KCNIP1: variants seen among roughly 807,000 people sequenced by gnomAD.
KCNIP1 encodes A-type potassium channel modulatory protein KCNIP1.
A neutral mutation model predicts 33.0 loss-of-function variants in KCNIP1; 18 were observed. The ratio of observed to expected loss-of-function variants is 0.55; its 90% CI spans 0.38 to 0.81. The LOEUF (loss-of-function observed/expected upper bound fraction) is 0.81. KCNIP1 is among the 30% of genes least tolerant of loss of function. The pLI is 0.00. For missense variants in KCNIP1, 238 were observed against 271.6 expected (o/e 0.88, Z 0.87); for synonymous variants, 93 against 98.3 (o/e 0.95, Z 0.32).
intron 1 of KCNIP1, among the ~76,000 whole-genome samples, chr5:170,535,223 G>A (rs1185640905): frequency 6.6e-6 from 1 of 152,132 alleles, no homozygotes; most frequent in African/African-American, 2.4e-5. Context: ...TAGGAGGGAG[G>A]CCGTGTCCTC....
chr5:170,574,950 A>G (rs1169989347), intron 1 of KCNIP1, among the ~76,000 whole-genome samples: 2 of 152,198 alleles, frequency 1.3e-5, no homozygotes, highest in Admixed American at 1.3e-4. Flanking sequence ...TTTTTCATCA[A>G]TGTTATATGA....
intron 5 of KCNIP1, among the ~76,000 whole-genome samples, chr5:170,729,121 A>C (rs1416372127): frequency 2.0e-5 from 3 of 152,044 alleles, no homozygotes; most frequent in Non-Finnish European, 4.4e-5. Context: ...TAAACACAAA[A>C]TCACTATAGA....
chr5:170,415,448 A>AC (rs1319807717), intron 1 of KCNIP1, among the ~76,000 whole-genome samples: 1 of 151,734 alleles, frequency 6.6e-6, no homozygotes, highest in Middle Eastern at 3.2e-3. Context: ...TACCAGAGGC[A>AC]CCCCCCACCC....
intron 1 of KCNIP1, among the ~76,000 whole-genome samples, chr5:170,540,024 C>T (rs557085628): frequency 6.6e-6 from 1 of 152,276 alleles, no homozygotes; most frequent in South Asian, 2.1e-4. Context: ...TTTCAACCTG[C>T]GTGCGGGTCT....
At chr5:170,391,879 C>A (rs528182023) in intron 1 of KCNIP1, among the ~76,000 whole-genome samples, 1 of 152,278 alleles carries the variant, frequency 6.6e-6, no homozygotes, top group East Asian at 1.9e-4. Flanking sequence ...TTGTCCTTTC[C>A]AAAGATGGTC....
chr5:170,631,102 C>A (rs1214476646), intron 1 of KCNIP1, among the ~76,000 whole-genome samples: 1 of 152,164 alleles, frequency 6.6e-6, no homozygotes, highest in Non-Finnish European at 1.5e-5. Flanking sequence ...TCTGTTCCCT[C>A]CTCTATGAAT....
chr5:170,672,573 C>T (rs530985481), intron 1 of KCNIP1, among the ~76,000 whole-genome samples: 3 of 152,382 alleles, frequency 2.0e-5, no homozygotes, highest in Admixed American at 2.0e-4. Flanking sequence ...TAATCAGCTG[C>T]TGCTGAGAGT....
intron 1 of KCNIP1, among the ~76,000 whole-genome samples, chr5:170,452,229 A>G (rs984328670): frequency 2.4e-4 from 36 of 152,206 alleles, no homozygotes; most frequent in Admixed American, 1.3e-4. Context: ...GAATCACCCA[A>G]TGGAGACAGA....
intron 1 of KCNIP1, among the ~76,000 whole-genome samples, chr5:170,700,446 G>A (rs561993016): frequency 2.6e-5 from 4 of 152,202 alleles, no homozygotes; most frequent in East Asian, 1.9e-4. Context: ...GCATCTGCCC[G>A]TGGTCCCTGC....
At chr5:170,506,279 C>T (rs919556030) in intron 1 of KCNIP1, among the ~76,000 whole-genome samples, 1 of 152,040 alleles carries the variant, frequency 6.6e-6, no homozygotes, top group South Asian at 2.1e-4. Context: ...GAAAGTCCCC[C>T]GCACCTCCCT....
intron 1 of KCNIP1, among the ~76,000 whole-genome samples, chr5:170,453,778 G>A (rs1423124512): frequency 5.3e-5 from 8 of 152,210 alleles, no homozygotes; most frequent in Non-Finnish European, 8.8e-5. Flanking sequence ...AGACTTCCAC[G>A]TGGCAAGGAG....
intron 1 of KCNIP1, among the ~76,000 whole-genome samples, chr5:170,532,167 G>T (rs1362943654): frequency 6.6e-6 from 1 of 152,170 alleles, no homozygotes; most frequent in Admixed American, 6.5e-5. Flanking sequence ...CTTTTCATTT[G>T]CTCAAAGCCT....
chr5:170,628,008 C>G (rs1759904431), intron 1 of KCNIP1, among the ~76,000 whole-genome samples: 1 of 152,206 alleles, frequency 6.6e-6, no homozygotes, highest in Non-Finnish European at 1.5e-5. Flanking sequence ...GGTGTCAGGA[C>G]TGGGAGCCTG....
At chr5:170,373,657 A>G (rs773838670) in intron 1 of KCNIP1, among the ~76,000 whole-genome samples, 7 of 152,214 alleles carry the variant, frequency 4.6e-5, no homozygotes, top group Admixed American at 6.5e-5. Context: ...ATTGTTTTAC[A>G]TTTTTCACAA....
intron 1 of KCNIP1, among the ~76,000 whole-genome samples, chr5:170,617,315 A>G (rs1161193268): frequency 6.6e-6 from 1 of 151,972 alleles, no homozygotes; most frequent in Non-Finnish European, 1.5e-5. Flanking sequence ...AAACAAAGAC[A>G]AAAAGGCCGG....
chr5:170,637,717 C>T (rs1760345323), intron 1 of KCNIP1, among the ~76,000 whole-genome samples: 1 of 152,134 alleles, frequency 6.6e-6, no homozygotes, highest in African/African-American at 2.4e-5. Flanking sequence ...TCCTCTCCTT[C>T]CCTGCCCTCC....
chr5:170,624,525 C>T (rs1055157826), intron 1 of KCNIP1, among the ~76,000 whole-genome samples: 1 of 152,004 alleles, frequency 6.6e-6, no homozygotes, highest in African/African-American at 2.4e-5. Context: ...GGCTATTCTC[C>T]TATATTTCTG....
rs115395739 is a variant in KCNIP1, at chr5:170,611,242, A to G, written c.61+106609A>G. Among the ~76,000 whole-genome samples the G allele has an allele frequency of 2.9e-3, 436 of 152,316 alleles. 3 individuals carry two copies. The highest frequency in any genetic ancestry group is 9.9e-3 in the African/African-American group (413 of 41,556). On this transcript the variant is annotated intron_variant, in intron 1 of 7. Coordinates refer to ENST00000328939, the MANE Select transcript of KCNIP1 (RefSeq NM_014592.4). ...AGAGCAGGACAGATGCTTAGAATGT[A>G]TCTGGTTCAAGCCCCTAGTTTATAG... is the stretch of plus-strand genomic sequence containing the variant.
At chr5:170,508,548 A>G (rs1561658223) in intron 1 of KCNIP1, among the ~76,000 whole-genome samples, 1 of 152,242 alleles carries the variant, frequency 6.6e-6, no homozygotes, top group Non-Finnish European at 1.5e-5. Flanking sequence ...CATAGTCCTG[A>G]GCCCAAGGGG....
Sources: allele counts gnomAD v4.1 joint callset (sites outside exome capture counted in the v4.1 genomes callset), GRCh38; gene constraint gnomAD v4.1.1; transcripts MANE v1.5; gene names NCBI Gene and HGNC (gene_info 2026-07-23, HGNC 2026-07-21).